The following RTL1 variants were observed in gnomAD, a reference collection of about 807,000 sequenced individuals.
RTL1 encodes retrotransposon Gag like 1.
For synonymous variants in RTL1, 727 were observed against 748.4 expected, an observed-to-expected ratio of 0.97 and a Z score of 0.47; for missense variants, 1,681 against 1,767.5, an observed-to-expected ratio of 0.95 and a Z score of 0.88.
rs2038581493 is a variant in RTL1, at chr14:100,879,813, G to T, written c.*899C>A. On this transcript the variant is annotated 3_prime_UTR_variant, in exon 4 of 4. Transcript: ENST00000649591. ...GATTGGGGGGTGAGAAAGCTCGGGG[G>T]GTGGGGAAGGGTCTACTCCCCTTGC... Among the ~76,000 whole-genome samples the T allele has an allele frequency of 6.6e-6, 1 of 151,264 alleles. No individual in the cohort carries two copies. Among genetic ancestry groups the T allele is most frequent in the Non-Finnish European group, 1.5e-5 (1 of 67,806 alleles).
intron 2 of RTL1, among the ~76,000 whole-genome samples, chr14:100,900,372 A>T (rs956444832): frequency 6.6e-6 from 1 of 152,048 alleles, no homozygotes; most frequent in African/African-American, 2.4e-5. Flanking sequence ...ACAAAAGGGA[A>T]CCTCCTCGGC....
chr14:100,882,423 A>G lies in RTL1; in HGVS notation c.2366T>C (p.Leu789Pro). The change falls in exon 4 of 4, where the codon CTG becomes CCG. Residue 789 changes from leucine to proline, a missense_variant. Transcript: ENST00000649591. The stretch of plus-strand genomic sequence containing the variant: ...TATGATGGTCATGACGTTCTTGTTC[A>G]GTTTCACCCCTTTGGGGGTGACGAC... ...GFVVTPKGVK[L>P]NKNVMTIITG... is the part of the protein sequence containing the mutation. The G allele has an allele frequency of 6.4e-7, 1 of 1,552,048 alleles. No individual in the cohort carries two copies. Among genetic ancestry groups the G allele is most frequent in the Non-Finnish European group, 8.7e-7 (1 of 1,147,090 alleles).
intron 3 of RTL1, 45 bp from the exon 4 acceptor site, chr14:100,884,919 G>A: frequency 2.4e-6 from 2 of 824,072 alleles, no homozygotes; most frequent in Non-Finnish European, 3.7e-6. Flanking sequence ...AGTAGTTTAG[G>A]ATCTTGTGAA....
intron 3 of RTL1, among the ~76,000 whole-genome samples, chr14:100,890,509 T>TG (rs1218746325): frequency 2.6e-5 from 3 of 113,400 alleles, no homozygotes; most frequent in East Asian, 2.2e-4. Context: ...GGTGGGAGGC[T>TG]GGGGGCTGAG....
chr14:100,891,286 G>A (rs1299946973), intron 3 of RTL1, among the ~76,000 whole-genome samples: 4 of 152,308 alleles, frequency 2.6e-5, no homozygotes, highest in East Asian at 1.9e-4. Flanking sequence ...GCCCAGTCTC[G>A]GACATTCCCT....
rs1226492244 is a variant in RTL1 at position 100,883,844 on chromosome 14, C to T, written c.945G>A (p.Leu315=). ...IDEFQSLVPI[L]GWPDEVLQAH... ...CCTGCAGGACTTCATCTGGCCAGCC[C>T]AAGATGGGTACCAGGCTCTGGAACT... is the stretch of plus-strand genomic sequence containing the variant. The change falls in exon 4 of 4, where the codon TTG becomes TTA. Residue 315 remains leucine, a synonymous_variant. Coordinates refer to ENST00000649591, the MANE Select transcript of RTL1 (RefSeq NM_001134888.3). This position sits in a 1 kb window ranked among gnomAD's most constrained non-coding sequence, Gnocchi z 5.9. 1 of 1,551,536 alleles carries T rather than the reference C, an allele frequency of 6.4e-7. No individual in the cohort carries two copies. The highest frequency in any genetic ancestry group is 1.4e-5 in the African/African-American group (1 of 73,050).
Position 100,884,618 on chromosome 14 carries a change from C to A in RTL1, c.171G>T (p.Glu57Asp), listed in dbSNP as rs759857950. The A allele has an allele frequency of 4.3e-6, 7 of 1,613,692 alleles. No individual in the cohort carries two copies. Among genetic ancestry groups the A allele is most frequent in the Non-Finnish European group, 5.9e-6 (7 of 1,179,940 alleles). ...PASGPAQEKK[E>D]PPSGPLQEME... ...TTTCCTGGAGTGGGCCACTGGGGGG[C>A]TCCTTCTTTTCCTGGGCTGGGCCGC... The change falls in exon 4 of 4, where the codon GAG becomes GAT. Residue 57 changes from glutamate (E) to aspartate (D), a missense_variant. Coordinates refer to ENST00000649591, the MANE Select transcript of RTL1 (RefSeq NM_001134888.3).
At position 100,883,067 on chromosome 14, in the gene RTL1, CTCA is replaced by C; in HGVS notation, c.1719_1721del (p.Asp573del). 3.1e-6 allele frequency: 5 copies of C among 1,614,088 alleles called. No individual in the cohort carries two copies. The highest frequency in any genetic ancestry group is 2.2e-5 in the East Asian group (1 of 44,870). ...CGTCTGAGCTTGGCTGGTCGGAAGT[CTCA>C]TCATCTGCTTCCTTCGGGTTAAACA... is the stretch of plus-strand genomic sequence containing the variant. On this transcript the variant is annotated inframe_deletion, in exon 4 of 4. Coordinates refer to ENST00000649591, the MANE Select transcript of RTL1 (RefSeq NM_001134888.3). This position sits in a 1 kb window ranked among gnomAD's most constrained non-coding sequence, Gnocchi z 5.9.
Position 100,880,678 on chromosome 14 carries a change from G to A in RTL1, c.*34C>T. 6.5e-7 allele frequency: 1 copy of A among 1,549,130 alleles called. No homozygotes were observed. On this transcript the variant is annotated 3_prime_UTR_variant, in exon 4 of 4. Transcript: ENST00000649591. ...TCGGGAGGTGTTGGGGTGAGAAATA[G>A]AGGGGACTCTTTGCTGGAGACAGGG...
At chr14:100,890,608 GCCT>G (rs1040706363) in intron 3 of RTL1, among the ~76,000 whole-genome samples, 4 of 152,044 alleles carry the variant, frequency 2.6e-5, no homozygotes, top group Admixed American at 6.5e-5. Context: ...TGCTGGCCAT[GCCT>G]CCTCTCCTGG....
chr14:100,883,583 C>T lies in RTL1; in HGVS notation c.1206G>A (p.Pro402=), dbSNP rs371611210. The part of the protein sequence containing the change: ...VSSWLPSEVH[P]DINRAHLFLL... Reference sequence around the variant, plus strand: ...GGAAGAGGTGGGCGCGATTGATGTCCGGATGGACTTCGCTGGGCAACCAGC... The same window carrying T: ...GGAAGAGGTGGGCGCGATTGATGTCTGGATGGACTTCGCTGGGCAACCAGC... The change falls in exon 4 of 4, where the codon CCG becomes CCA. Residue 402 remains proline, a synonymous_variant. Transcript: ENST00000649591. This position sits in a 1 kb window ranked among gnomAD's most constrained non-coding sequence, Gnocchi z 5.9. 54 of 1,551,298 alleles carry T rather than the reference C, an allele frequency of 3.5e-5. No homozygotes were observed. The highest frequency in any genetic ancestry group is 4.5e-5 in the Non-Finnish European group (52 of 1,146,988).
At chr14:100,894,470 G>T (rs1055902485) in intron 2 of RTL1, among the ~76,000 whole-genome samples, 4 of 152,168 alleles carry the variant, frequency 2.6e-5, no homozygotes, top group African/African-American at 7.2e-5. Context: ...AAGTGGCTGC[G>T]CCCCAGGCTG....
intron 2 of RTL1, chr14:100,897,751 CGGGG>C (rs67432304): frequency 2.0e-5 from 1 of 49,808 alleles, no homozygotes; most frequent in African/African-American, 1.5e-4. Flanking sequence ...CCCTGGTTGG[CGGGG>C]GGGGGGGTGG....
Position 100,880,750 on chromosome 14 carries a change from C to A in RTL1, c.4039G>T (p.Glu1347Ter). Residue 1347 changes from glutamate to a stop codon, truncating the protein, a stop_gained, in exon 4 of 4, where the codon GAG (glutamate) becomes TAG (stop). Transcript: ENST00000649591. LOFTEE classifies it low-confidence loss of function (END_TRUNC). ...SQPREQARLE[E>*]LPDEDEDANL... ...GCATCTTCGTCCTCATCAGGCAGCTCTTCTAGCCTTGCCTGCTCCCTGGGC... is the reference window on the plus strand; with the variant it reads ...GCATCTTCGTCCTCATCAGGCAGCTATTCTAGCCTTGCCTGCTCCCTGGGC... 6.4e-7 allele frequency: 1 copy of A among 1,550,868 alleles called. No individual in the cohort carries two copies. The highest frequency in any genetic ancestry group is 8.7e-7 in the Non-Finnish European group (1 of 1,146,964).
chr14:100,881,969 G>T lies in RTL1; in HGVS notation c.2820C>A (p.Asn940Lys). 6.2e-7 allele frequency: 1 copy of T among 1,613,768 alleles called. No homozygotes were observed. Among genetic ancestry groups the T allele is most frequent in the Non-Finnish European group, 8.5e-7 (1 of 1,180,006 alleles). ...GAAGGATCATGATGGGCTCCTCGGT[G>T]TTCTCCAGGTAGCGGCACCACACCA... is the stretch of plus-strand genomic sequence containing the variant. The part of the protein sequence containing the change: ...AFMVWCRYLE[N>K]TEEPIMILLN... Residue 940 changes from asparagine to lysine, a missense_variant, in exon 4 of 4, where the codon AAC (asparagine) becomes AAA (lysine). Asn to Lys is a moderately conservative substitution (Grantham distance 94). Transcript: ENST00000649591. This position sits in a 1 kb window ranked among gnomAD's most constrained non-coding sequence, Gnocchi z 6.6.
chr14:100,880,983 G>A lies in RTL1; in HGVS notation c.3806C>T (p.Pro1269Leu). Residue 1269 changes from proline to leucine, a missense_variant, in exon 4 of 4, where the codon CCC (proline) becomes CTC (leucine). Transcript: ENST00000649591. ...KQDNDVQEAPPSHTAATHPPR... is the reference protein window; with the variant it reads ...KQDNDVQEAPLSHTAATHPPR... The stretch of plus-strand genomic sequence containing the variant: ...TGGGTGGGTGGCTGCTGTGTGGCTG[G>A]GTGGGGCCTCCTGCACGTCGTTGTC... The A allele has an allele frequency of 6.4e-7, 1 of 1,560,898 alleles. No homozygotes were observed. The highest frequency in any genetic ancestry group is 8.7e-7 in the Non-Finnish European group (1 of 1,153,140).
At chr14:100,903,489 C>T (rs1018180261) in intron 1 of RTL1, among the ~76,000 whole-genome samples, 103 bp from the exon 2 acceptor site, 3 of 152,136 alleles carry the variant, frequency 2.0e-5, no homozygotes, top group African/African-American at 4.8e-5. Context: ...AGCCAAGTCC[C>T]GAACTGGGCT....
At chr14:100,890,678 T>C (rs1022041531) in intron 3 of RTL1, among the ~76,000 whole-genome samples, 1 of 152,098 alleles carries the variant, frequency 6.6e-6, no homozygotes, top group Non-Finnish European at 1.5e-5. Context: ...GCTGCCAGGA[T>C]GGGTGTCAGG....
chr14:100,899,437 C>T (rs1387787954), intron 2 of RTL1, among the ~76,000 whole-genome samples: 3 of 152,118 alleles, frequency 2.0e-5, no homozygotes, highest in African/African-American at 7.2e-5. Context: ...GTGCTGGGAC[C>T]TTTGGGACCG....
Sources: gnomAD v4.1 joint callset for allele counts (sites outside exome capture counted in the v4.1 genomes callset) on GRCh38, gnomAD v4.1.1 for gene constraint, Gnocchi (gnomAD v3.1) non-coding constraint, MANE v1.5 for transcripts, NCBI Gene and HGNC (gene_info 2026-07-23, HGNC 2026-07-21) for gene names.